SUPT3H: variants seen among roughly 807,000 people sequenced by gnomAD.
SUPT3H encodes the protein SPT3 homolog, SAGA and STAGA complex component, also known as transcription initiation protein SPT3 homolog.
In SUPT3H, 44 loss-of-function variants were observed where a neutral mutation model predicts 44.3. The observed-to-expected ratio is 0.99, with a 90% CI of 0.78 to 1.28. The LOEUF (loss-of-function observed/expected upper bound fraction) is 1.28. SUPT3H is among the 50% of genes most tolerant of loss of function. SUPT3H has a pLI of 0.00. For synonymous variants in SUPT3H, 124 were observed against 125.6 expected (o/e 0.99, Z 0.09); for missense variants, 380 against 387.1 (o/e 0.98, Z 0.15).
chr6:45,043,349 T>C (rs1279313939), intron 3 of SUPT3H, among the ~76,000 whole-genome samples: 1 of 152,168 alleles, frequency 6.6e-6, no homozygotes, highest in African/African-American at 2.4e-5. Flanking sequence ...GTGTCAGGGA[T>C]ATATGTACAG....
At chr6:45,070,812 C>T (rs902188113) in intron 3 of SUPT3H, among the ~76,000 whole-genome samples, 6 of 148,936 alleles carry the variant, frequency 4.0e-5, no homozygotes, top group African/African-American at 1.5e-4. Context: ...ACTGGAGTGA[C>T]GACAAGGAAG....
At chr6:45,139,637 G>A (rs1259218879) in intron 2 of SUPT3H, among the ~76,000 whole-genome samples, 2 of 152,270 alleles carry the variant, frequency 1.3e-5, no homozygotes, top group East Asian at 3.9e-4. Flanking sequence ...TGAAACTCCA[G>A]GTAACAGGAG....
chr6:45,199,225 C>T (rs1461768443), intron 2 of SUPT3H, among the ~76,000 whole-genome samples: 3 of 151,006 alleles, frequency 2.0e-5, no homozygotes, highest in Non-Finnish European at 4.5e-5. Context: ...TTAATGAATG[C>T]TTCCAATATA....
At position 44,827,506 on chromosome 6, in the gene SUPT3H, G is replaced by GT. The variant is rs935106819; in HGVS notation, c.*2309dup. On this transcript the variant is annotated 3_prime_UTR_variant, in exon 11 of 11. Coordinates refer to ENST00000371459, the MANE Select transcript of SUPT3H (RefSeq NM_003599.4). Reference sequence around the variant, plus strand: ...ACTCACTTTCCCTCTCTAGGCCATGGTTTTTTCATTTGCAAGATGAGCAGC... The same window carrying GT: ...ACTCACTTTCCCTCTCTAGGCCATGGTTTTTTTCATTTGCAAGATGAGCAGC... Among the ~76,000 whole-genome samples the GT allele has an allele frequency of 1.2e-4, 18 of 151,944 alleles. No homozygotes were observed. The highest frequency in any genetic ancestry group is 1.9e-4 in the Non-Finnish European group (13 of 67,938).
intron 2 of SUPT3H, among the ~76,000 whole-genome samples, chr6:45,247,369 T>C (rs533699970): frequency 1.3e-5 from 2 of 152,324 alleles, no homozygotes; most frequent in East Asian, 1.9e-4. Flanking sequence ...TTGCCTGTTT[T>C]GGGCACAAAA....
chr6:45,006,298 C>T (rs1028074995), intron 5 of SUPT3H, among the ~76,000 whole-genome samples: 1 of 151,624 alleles, frequency 6.6e-6, no homozygotes, highest in Non-Finnish European at 1.5e-5. Flanking sequence ...GTGCAATGAC[C>T]GATATATTTC....
intron 2 of SUPT3H, among the ~76,000 whole-genome samples, chr6:45,299,595 G>C (rs1001532952): frequency 6.6e-6 from 1 of 151,876 alleles, no homozygotes; most frequent in Non-Finnish European, 1.5e-5. Flanking sequence ...TCACACTACA[G>C]AGATTTTTTA....
At chr6:45,265,843 A>T (rs62400293) in intron 2 of SUPT3H, among the ~76,000 whole-genome samples, 34,493 of 151,982 alleles carry the variant, frequency 0.23, 4,597 homozygotes, top group Non-Finnish European at 0.31. Flanking sequence ...TAAAGTAGTT[A>T]AAAAGATCAC....
At chr6:45,110,623 T>C (rs895239750) in intron 2 of SUPT3H, among the ~76,000 whole-genome samples, 2 of 152,186 alleles carry the variant, frequency 1.3e-5, no homozygotes, top group African/African-American at 4.8e-5. Context: ...TACTATCTTA[T>C]GTTGAATCCA....
At chr6:45,273,897 T>C (rs1051157838) in intron 2 of SUPT3H, among the ~76,000 whole-genome samples, 1 of 152,228 alleles carries the variant, frequency 6.6e-6, no homozygotes, top group East Asian at 1.9e-4. Context: ...CTGCTAAAAA[T>C]GTTTTCCAAA....
chr6:45,158,294 A>ATTT lies in SUPT3H; in HGVS notation c.102-52289_102-52288insAAA, dbSNP rs1554266490. Among the ~76,000 whole-genome samples, 27 of 30,532 alleles carry ATTT rather than the reference A, an allele frequency of 8.8e-4. 3 individuals carry two copies. The highest frequency in any genetic ancestry group is 1.5e-3 in the Admixed American group (5 of 3,312). The allele number at this position is 30,532 out of a possible 152,430, so 20.0% of individuals were successfully genotyped here. A position where few individuals can be genotyped will look rare whatever the true frequency, so the allele number is the denominator to read the frequency against. ...AATATACATATATATATATATATAT[A>ATTT]TATATTTTTTTTTTTTTTTTTTTGA... On this transcript the variant is annotated intron_variant, in intron 2 of 10. Transcript: ENST00000371459.
chr6:45,013,356 G>C (rs1407573284), intron 5 of SUPT3H, among the ~76,000 whole-genome samples: 1 of 151,956 alleles, frequency 6.6e-6, no homozygotes, highest in Non-Finnish European at 1.5e-5. Flanking sequence ...ATGAACTTAG[G>C]TATGAACTTC....
At chr6:45,231,448 C>A (rs1018265939) in intron 2 of SUPT3H, among the ~76,000 whole-genome samples, 1 of 152,220 alleles carries the variant, frequency 6.6e-6, no homozygotes, top group South Asian at 2.1e-4. Context: ...AAGGTTTCTA[C>A]TGAGAAAGCT....
chr6:45,213,258 G>C (rs1385004568), intron 2 of SUPT3H, among the ~76,000 whole-genome samples: 1 of 152,100 alleles, frequency 6.6e-6, no homozygotes, highest in East Asian at 1.9e-4. Context: ...AAGCATTCTG[G>C]TGATGAACTG....
chr6:44,970,574 CTT>C (rs372017488), intron 6 of SUPT3H, among the ~76,000 whole-genome samples: 3 of 142,060 alleles, frequency 2.1e-5, no homozygotes, highest in Non-Finnish European at 4.6e-5. Flanking sequence ...TGTTACAACC[CTT>C]TTTTTTTTTT....
chr6:44,966,366 A>G (rs1366033062), intron 6 of SUPT3H, among the ~76,000 whole-genome samples: 1 of 150,864 alleles, frequency 6.6e-6, no homozygotes, highest in Non-Finnish European at 1.5e-5. Flanking sequence ...TGAAACTAAT[A>G]AAACTGCTTA....
chr6:45,019,568 G>A (rs1331228188), intron 4 of SUPT3H, among the ~76,000 whole-genome samples: 1 of 151,958 alleles, frequency 6.6e-6, no homozygotes, highest in Non-Finnish European at 1.5e-5. Context: ...CACTTAGAAT[G>A]TATTATCACT....
chr6:45,252,293 G>T (rs1363328789), intron 2 of SUPT3H, among the ~76,000 whole-genome samples: 2 of 152,138 alleles, frequency 1.3e-5, no homozygotes, highest in African/African-American at 4.8e-5. Context: ...TTCTCCAGCT[G>T]AAGTCACTCT....
At chr6:45,280,585 G>A (rs938522797) in intron 2 of SUPT3H, among the ~76,000 whole-genome samples, 50 of 152,006 alleles carry the variant, frequency 3.3e-4, no homozygotes, top group African/African-American at 1.2e-3. Flanking sequence ...AGAAAAAAAG[G>A]TTTATACTTT....
Sources: gnomAD v4.1 joint callset for allele counts (sites outside exome capture counted in the v4.1 genomes callset) on GRCh38, gnomAD v4.1.1 for gene constraint, MANE v1.5 for transcripts, NCBI Gene and HGNC (gene_info 2026-07-23, HGNC 2026-07-21) for gene names.